MBTD1: variants seen among roughly 807,000 people sequenced by gnomAD.
MBTD1 encodes the protein mbt domain containing 1.
In MBTD1, 24 loss-of-function variants were observed where a neutral mutation model predicts 87.8. The ratio of observed to expected loss-of-function variants is 0.27; its 90% CI spans 0.20 to 0.38. The LOEUF (loss-of-function observed/expected upper bound fraction) is 0.38, where lower values mean the gene tolerates loss of function less well. MBTD1 is among the 10% of genes least tolerant of loss of function. The probability of loss-of-function intolerance (pLI) is 1.00; values close to 1 mark genes in which losing one functional copy is unlikely to be tolerated. For missense variants in MBTD1, 436 were observed against 760.2 expected, an observed-to-expected ratio of 0.57 and a Z score of 5.02; for synonymous variants, 237 against 248.6, an observed-to-expected ratio of 0.95 and a Z score of 0.44.
At chr17:51,191,529 G>C (rs2050812669) in intron 16 of MBTD1, 1 of 151,636 alleles carries the variant, frequency 6.6e-6, no homozygotes, top group Non-Finnish European at 1.5e-5. Flanking sequence ...TTGCTTTCTA[G>C]GAAAAATGGG....
At position 51,202,963 on chromosome 17, in the gene MBTD1, G is replaced by A. The variant is rs1264635620; in HGVS notation, c.829-28C>T. 5 of 1,548,514 alleles carry A rather than the reference G, an allele frequency of 3.2e-6. No individual in the cohort carries two copies. In the South Asian group the frequency reaches 3.4e-5, roughly 10 times the overall value. On this transcript the variant is annotated intron_variant, in intron 9 of 16. Transcript: ENST00000586178. Reference sequence around the variant, plus strand: ...TAAAAGCATACAAAAAAAACTGCTCGAAATTCATGACAAAGGTCTACAAGA... The same window carrying A: ...TAAAAGCATACAAAAAAAACTGCTCAAAATTCATGACAAAGGTCTACAAGA...
rs755486998 is a variant in MBTD1, at chr17:51,195,204, G to A, written c.1372+10C>T. On this transcript the variant is annotated intron_variant, in intron 13 of 16. Transcript: ENST00000586178. ...AATTAAAACCCAGTGTTTATATTAG[G>A]ATGAAGTACCTCTGGGTGGAGTAAG... 4 of 1,604,680 alleles carry A rather than the reference G, an allele frequency of 2.5e-6. No homozygotes were observed. In the South Asian group the frequency reaches 4.5e-5, roughly 18 times the overall value.
In MBTD1 at chr17:51,181,115, G is replaced by C. The variant is rs528120586; in HGVS notation, c.1769-421C>G. On this transcript the variant is annotated intron_variant, in intron 16 of 16. Coordinates refer to ENST00000586178, the MANE Select transcript of MBTD1 (RefSeq NM_017643.3). ...CGGCTTACTGCAACCTCCGCTTCCC[G>C]GTTCAAGCGGTTCTCCTGCCTCAGC... Among the ~76,000 whole-genome samples, 91 of 149,392 alleles carry C rather than the reference G, an allele frequency of 6.1e-4. 1 individual carries two copies. The highest frequency in any genetic ancestry group is 1.3e-4 in the Non-Finnish European group (9 of 67,698).
chr17:51,201,378 A>G (rs932970721), intron 12 of MBTD1, among the ~76,000 whole-genome samples: 2 of 152,230 alleles, frequency 1.3e-5, no homozygotes, highest in Non-Finnish European at 2.9e-5. Context: ...ACTTCCATAA[A>G]TAAGTGTAGC....
At chr17:51,224,135 G>A (rs535981355) in intron 3 of MBTD1, among the ~76,000 whole-genome samples, 1 of 152,286 alleles carries the variant, frequency 6.6e-6, no homozygotes, top group East Asian at 1.9e-4. Context: ...CACATTTCCA[G>A]GATGTGGGAC....
intron 2 of MBTD1, among the ~76,000 whole-genome samples, chr17:51,238,832 G>C (rs942994036): frequency 1.3e-5 from 2 of 152,190 alleles, no homozygotes; most frequent in Non-Finnish European, 2.9e-5. Flanking sequence ...GGGTGTGGTG[G>C]CTCATGCCTG....
Position 51,235,604 on chromosome 17 carries a change from T to C in MBTD1, c.-48-10395A>G, listed in dbSNP as rs76440795. 9.8e-4 allele frequency among the ~76,000 whole-genome samples: 149 copies of C among 152,346 alleles called. 2 individuals are homozygous for C. In the East Asian group the frequency reaches 0.028, roughly 28 times the overall value. ...ACCAAAGAGGAGCCATATAATCACC[T>C]TGAAATATGCAGAAAATGCACTTGA... On this transcript the variant is annotated intron_variant, in intron 2 of 16. Transcript: ENST00000586178.
chr17:51,208,018 C>T (rs1200775044), intron 6 of MBTD1, among the ~76,000 whole-genome samples: 1 of 152,126 alleles, frequency 6.6e-6, no homozygotes, highest in Non-Finnish European at 1.5e-5. Context: ...CCTCAAAGCT[C>T]AAAGATGAGC....
chr17:51,189,235 A>G (rs897063900), intron 16 of MBTD1, among the ~76,000 whole-genome samples: 1 of 152,182 alleles, frequency 6.6e-6, no homozygotes, highest in African/African-American at 2.4e-5. Flanking sequence ...TTTCTCTTCT[A>G]AAATCCAAAA....
At chr17:51,234,441 T>C (rs1251892946) in intron 2 of MBTD1, among the ~76,000 whole-genome samples, 1 of 149,192 alleles carries the variant, frequency 6.7e-6, no homozygotes, top group Non-Finnish European at 1.5e-5. Context: ...CTGCAGATTC[T>C]ACAGATATTA....
At chr17:51,196,753 T>C (rs1182731186) in intron 12 of MBTD1, among the ~76,000 whole-genome samples, 1 of 151,482 alleles carries the variant, frequency 6.6e-6, no homozygotes, top group African/African-American at 2.4e-5. Flanking sequence ...TAGCCAGGCA[T>C]GGCGGTGGGG....
At chr17:51,211,471 G>T (rs926503766) in intron 6 of MBTD1, among the ~76,000 whole-genome samples, 1 of 149,298 alleles carries the variant, frequency 6.7e-6, no homozygotes, top group Admixed American at 6.7e-5. Context: ...CGTGCTACTG[G>T]ACTCTAGCCT....
chr17:51,217,360 C>A lies in MBTD1; in HGVS notation c.460G>T (p.Ala154Ser). Residue 154 changes from alanine (A) to serine (S), a missense_variant, in exon 6 of 17, where the codon GCA (alanine) becomes TCA (serine). Transcript: ENST00000586178. ...TGTTTAAAACAGGTAACCGGAGCTG[C>A]TATAAAGCTATTGCTATTGATGTAG... ...GNYINSNSFI[A>S]APVTCFKHAP... 1 of 1,539,518 alleles carries A rather than the reference C, an allele frequency of 6.5e-7. No homozygotes were observed. The highest frequency in any genetic ancestry group is 8.8e-7 in the Non-Finnish European group (1 of 1,141,926).
intron 2 of MBTD1, among the ~76,000 whole-genome samples, chr17:51,234,459 A>C (rs1044673615): frequency 6.6e-6 from 1 of 151,840 alleles, no homozygotes; most frequent in Admixed American, 6.6e-5. Flanking sequence ...TTAAAATATT[A>C]AAAAGACTAT....
Position 51,179,745 on chromosome 17 carries a change from G to C in MBTD1, c.*831C>G, listed in dbSNP as rs1318206260. The C allele has an allele frequency of 1.3e-5, 2 of 151,310 alleles. No homozygotes were observed. The highest frequency in any genetic ancestry group is 2.4e-5 in the African/African-American group (1 of 41,214). 9.4% of individuals were successfully genotyped at this position (151,310 alleles called of 1,614,324 possible). A position where few individuals can be genotyped will look rare whatever the true frequency, so the allele number is the denominator to read the frequency against. ...AGATAGAGGGAAATGGCAGAGAACT[G>C]ATCAGAATCCCTTTCGTGGGGTATT... On this transcript the variant is annotated 3_prime_UTR_variant, in exon 17 of 17. Transcript: ENST00000586178.
intron 6 of MBTD1, among the ~76,000 whole-genome samples, chr17:51,211,814 A>G (rs1166399975): frequency 6.6e-6 from 1 of 152,152 alleles, no homozygotes; most frequent in East Asian, 1.9e-4. Context: ...CTCTACTTGA[A>G]AAAGATTTTA....
chr17:51,188,606 T>C (rs530765660), intron 16 of MBTD1, among the ~76,000 whole-genome samples: 2 of 152,298 alleles, frequency 1.3e-5, no homozygotes, highest in Non-Finnish European at 2.9e-5. Context: ...AATACTTATT[T>C]GTGTAACTAA....
At chr17:51,214,832 CTT>C (rs1294491275) in intron 6 of MBTD1, among the ~76,000 whole-genome samples, 1 of 152,180 alleles carries the variant, frequency 6.6e-6, no homozygotes, top group African/African-American at 2.4e-5. Context: ...TCTTAGAAGA[CTT>C]TGATGATACA....
intron 16 of MBTD1, chr17:51,184,185 ATAAAGCCT>A (rs1217326023): frequency 6.6e-6 from 1 of 152,260 alleles, no homozygotes; most frequent in African/African-American, 2.4e-5. Context: ...GGAATCTAAA[ATAAAGCCT>A]GTCTGGTTAT....
Sources: allele counts gnomAD v4.1 joint callset (sites outside exome capture counted in the v4.1 genomes callset), GRCh38; gene constraint gnomAD v4.1.1; transcripts MANE v1.5; gene names NCBI Gene and HGNC (gene_info 2026-07-23, HGNC 2026-07-21).